Variants in NECAB1 observed in about 807,000 individuals in gnomAD.
The protein encoded by NECAB1 is N-terminal EF-hand calcium binding protein 1, also known as N-terminal EF-hand calcium-binding protein 1.
In NECAB1, 29 loss-of-function variants were observed where a neutral mutation model predicts 57.5. The observed-to-expected ratio is 0.50, with a 90% CI of 0.38 to 0.69. The LOEUF is 0.69. NECAB1 is among the 30% of genes least tolerant of loss of function. The pLI, the probability that NECAB1 is intolerant of heterozygous loss-of-function variation, is 0.00. For synonymous variants in NECAB1, 142 were observed against 147.7 expected (o/e 0.96, Z 0.28); for missense variants, 372 against 413.8 (o/e 0.90, Z 0.88).
chr8:90,898,671 G>A (rs1809422267), intron 5 of NECAB1, among the ~76,000 whole-genome samples: 1 of 152,178 alleles, frequency 6.6e-6, no homozygotes, highest in Admixed American at 6.5e-5. Context: ...TTAATTCAGT[G>A]TTTATTGAGA....
At chr8:90,797,904 G>C (rs1811688993) in intron 1 of NECAB1, among the ~76,000 whole-genome samples, 1 of 152,150 alleles carries the variant, frequency 6.6e-6, no homozygotes, top group Non-Finnish European at 1.5e-5. Flanking sequence ...CCTGGGTGTT[G>C]GTTCTTTCCA....
chr8:90,857,651 GAT>G (rs1196380262), intron 3 of NECAB1, among the ~76,000 whole-genome samples: 4 of 152,012 alleles, frequency 2.6e-5, no homozygotes, highest in Non-Finnish European at 5.9e-5. Flanking sequence ...TAACATAAAA[GAT>G]AGGCAATAGA....
At chr8:90,865,379 G>A (rs553192414) in intron 3 of NECAB1, among the ~76,000 whole-genome samples, 134 of 152,208 alleles carry the variant, frequency 8.8e-4, no homozygotes, top group Non-Finnish European at 1.5e-3. Flanking sequence ...TCCTGATAGA[G>A]GGGTGTGTGA....
At chr8:90,811,093 G>T (rs1375137666) in intron 2 of NECAB1, among the ~76,000 whole-genome samples, 1 of 151,872 alleles carries the variant, frequency 6.6e-6, no homozygotes, top group Non-Finnish European at 1.5e-5. Context: ...GACTACAGGC[G>T]CTTGCCACCA....
At chr8:90,857,891 G>A (rs976419158) in intron 3 of NECAB1, among the ~76,000 whole-genome samples, 1 of 151,882 alleles carries the variant, frequency 6.6e-6, no homozygotes, top group Non-Finnish European at 1.5e-5. Flanking sequence ...TCAAAATATA[G>A]GTTTATGAAA....
intron 10 of NECAB1, among the ~76,000 whole-genome samples, chr8:90,948,065 T>C (rs1036330901): frequency 2.6e-5 from 4 of 152,222 alleles, no homozygotes; most frequent in Admixed American, 2.6e-4. Flanking sequence ...TATTTTAAAC[T>C]TTATCCTTAA....
At chr8:90,794,558 T>C (rs566582627) in intron 1 of NECAB1, among the ~76,000 whole-genome samples, 2 of 152,320 alleles carry the variant, frequency 1.3e-5, no homozygotes, top group South Asian at 2.1e-4. Flanking sequence ...GAGAACACTA[T>C]TAATGACATG....
rs563876842 is a variant in NECAB1, at chr8:90,884,130, T to C, written c.357+3000T>C. Among the ~76,000 whole-genome samples, 15 of 152,298 alleles carry C rather than the reference T, an allele frequency of 9.8e-5. No individual in the cohort carries two copies. In the South Asian group the frequency reaches 2.3e-3, roughly 23 times the overall value. On this transcript the variant is annotated intron_variant, in intron 5 of 12. Coordinates refer to ENST00000417640, the MANE Select transcript of NECAB1 (RefSeq NM_022351.5). Reference sequence around the variant, plus strand: ...AAATTTTCCAAAATTAAAATGTATATATATTTTTTCTTCTGACAGTTATTT... The same window carrying C: ...AAATTTTCCAAAATTAAAATGTATACATATTTTTTCTTCTGACAGTTATTT...
intron 5 of NECAB1, among the ~76,000 whole-genome samples, chr8:90,898,303 G>C (rs1809412233): frequency 6.6e-6 from 1 of 152,040 alleles, no homozygotes; most frequent in Admixed American, 6.6e-5. Context: ...CCACCACTCA[G>C]TGCCCCAAAT....
chr8:90,920,432 G>A (rs141323315), intron 6 of NECAB1, among the ~76,000 whole-genome samples: 164 of 152,260 alleles, frequency 1.1e-3, no homozygotes, highest in Admixed American at 4.0e-3. Flanking sequence ...AGAGCCCTGG[G>A]ACCTTCATCA....
chr8:90,891,303 A>C (rs970805220), intron 5 of NECAB1, among the ~76,000 whole-genome samples: 21 of 152,158 alleles, frequency 1.4e-4, no homozygotes, highest in African/African-American at 4.8e-4. Flanking sequence ...TCACTTAGGA[A>C]AGCTTTACTT....
At chr8:90,955,393 G>C (rs1398519622) in intron 12 of NECAB1, 94 bp from the exon 13 acceptor site, 24 of 877,986 alleles carry the variant, frequency 2.7e-5, no homozygotes, top group Non-Finnish European at 1.8e-6. Context: ...CTAAAGGTAA[G>C]GGGAATGGTC....
intron 8 of NECAB1, among the ~76,000 whole-genome samples, chr8:90,928,546 G>A (rs1810332501): frequency 1.3e-5 from 2 of 152,182 alleles, no homozygotes; most frequent in Admixed American, 6.5e-5. Context: ...GGAGTTGAGA[G>A]TTAAATAAAT....
At position 90,913,371 on chromosome 8, in the gene NECAB1, T is replaced by A. The variant is rs545554699; in HGVS notation, c.358-4121T>A. Among the ~76,000 whole-genome samples, 34 of 98,404 alleles carry A rather than the reference T, an allele frequency of 3.5e-4. No individual in the cohort carries two copies. The South Asian group carries it at 5.4e-3, about 16-fold the overall frequency. 64.6% of individuals were successfully genotyped at this position (98,404 alleles called of 152,430 possible). A position where few individuals can be genotyped will look rare whatever the true frequency, so the allele number is the denominator to read the frequency against. ...TAATGATTTGTGTAACTAATAATTA[T>A]CATGACACGAATGAACATTATTAGG... On this transcript the variant is annotated intron_variant, in intron 5 of 12. Coordinates refer to ENST00000417640, the MANE Select transcript of NECAB1 (RefSeq NM_022351.5).
intron 6 of NECAB1, among the ~76,000 whole-genome samples, chr8:90,924,231 A>G (rs1317250953): frequency 6.6e-6 from 1 of 152,230 alleles, no homozygotes; most frequent in African/African-American, 2.4e-5. Flanking sequence ...TCTGTATGCC[A>G]TAAAACCATC....
chr8:90,796,120 A>G (rs930068028), intron 1 of NECAB1, among the ~76,000 whole-genome samples: 2 of 152,218 alleles, frequency 1.3e-5, no homozygotes, highest in South Asian at 2.1e-4. Context: ...CCTTCTCTCC[A>G]TCCATCTTTC....
intron 10 of NECAB1, among the ~76,000 whole-genome samples, chr8:90,947,153 C>T (rs1225887032): frequency 1.3e-5 from 2 of 151,916 alleles, no homozygotes. Flanking sequence ...TGCATTTTCC[C>T]TCCATTTCTT....
chr8:90,873,959 G>A (rs1808666382), intron 4 of NECAB1, among the ~76,000 whole-genome samples: 1 of 152,118 alleles, frequency 6.6e-6, no homozygotes. Flanking sequence ...CTTTAGTTAG[G>A]GAACTGGTAT....
chr8:90,949,144 CTTTGTG>C (rs1334088090), intron 10 of NECAB1, among the ~76,000 whole-genome samples: 2 of 121,000 alleles, frequency 1.7e-5, no homozygotes, highest in African/African-American at 6.5e-5. Context: ...ACAACAGGCA[CTTTGTG>C]TGTGTGTGTG....
Sources: allele counts gnomAD v4.1 joint callset (sites outside exome capture counted in the v4.1 genomes callset), GRCh38; gene constraint gnomAD v4.1.1; transcripts MANE v1.5; gene names NCBI Gene and HGNC (gene_info 2026-07-23, HGNC 2026-07-21).